Variants in METTL4 observed in about 807,000 individuals in gnomAD.
The protein encoded by METTL4 is methyltransferase 4, N6-adenosine.
In METTL4, 40 loss-of-function variants were observed where a neutral mutation model predicts 54.0. The ratio of observed to expected loss-of-function variants is 0.74; its 90% CI spans 0.58 to 0.96. The LOEUF (loss-of-function observed/expected upper bound fraction) is 0.96, where lower values mean the gene tolerates loss of function less well. Among genes scored for constraint, METTL4 ranks in the 50% least tolerant of loss-of-function variants. The pLI is 0.00. For missense variants in METTL4, 525 were observed against 549.0 expected, an observed-to-expected ratio of 0.96 and a Z score of 0.44; for synonymous variants, 169 against 183.8, an observed-to-expected ratio of 0.92 and a Z score of 0.65.
chr18:2,542,290 T>C (rs2072003225), intron 8 of METTL4, among the ~76,000 whole-genome samples: 1 of 151,932 alleles, frequency 6.6e-6, no homozygotes, highest in South Asian at 2.1e-4. Context: ...TGTGCCATGC[T>C]GGTGCGCTGC....
At position 2,567,453 on chromosome 18, in the gene METTL4, A is replaced by C. The variant is rs1448307892; in HGVS notation, c.-237T>G. The C allele has an allele frequency of 3.1e-6, 1 of 321,186 alleles. No homozygotes were observed. Among genetic ancestry groups the C allele is most frequent in the Non-Finnish European group, 5.6e-6 (1 of 179,868 alleles). 19.9% of individuals were successfully genotyped at this position (321,186 alleles called of 1,614,324 possible). A position where few individuals can be genotyped will look rare whatever the true frequency, so the allele number is the denominator to read the frequency against. ...ATGTTTTAATATAAACTTTCTTTTT[A>C]ATTTCAGAGTTGATAATTCAACATT... is the stretch of plus-strand genomic sequence containing the variant. On this transcript the variant is annotated 5_prime_UTR_variant, in exon 2 of 9. The change creates a new upstream start codon in the 5' untranslated region. Transcript: ENST00000574538.
chr18:2,553,439 G>A (rs1337584164), intron 4 of METTL4: 2 of 152,194 alleles, frequency 1.3e-5, no homozygotes, highest in Admixed American at 1.3e-4. Context: ...CCCTATCAGT[G>A]CAACATATCA....
intron 5 of METTL4, among the ~76,000 whole-genome samples, chr18:2,551,032 C>A (rs1485460143): frequency 6.6e-6 from 1 of 151,066 alleles, no homozygotes; most frequent in Non-Finnish European, 1.5e-5. Flanking sequence ...GGCGTGGTAG[C>A]GGGCGCCTGT....
chr18:2,560,747 C>G (rs565736472), intron 3 of METTL4, among the ~76,000 whole-genome samples: 1 of 151,840 alleles, frequency 6.6e-6, no homozygotes, highest in Non-Finnish European at 1.5e-5. Context: ...GGCGTAGTGG[C>G]GGGCGCCTGT....
chr18:2,549,423 G>C lies in METTL4; in HGVS notation c.900-1894C>G, dbSNP rs185084787. On this transcript the variant is annotated intron_variant, in intron 5 of 8. Coordinates refer to ENST00000574538, the MANE Select transcript of METTL4 (RefSeq NM_022840.5). ...AGGAGAGGAAAAGGTGTGGAGGGGA[G>C]GAGAGGAGAAAGAAGAGGACAGAGA... 2.7e-3 allele frequency among the ~76,000 whole-genome samples: 413 copies of C among 152,238 alleles called. 1 individual carries two copies. The highest frequency in any genetic ancestry group is 4.6e-3 in the Non-Finnish European group (312 of 68,014).
chr18:2,545,005 T>C (rs927864883), intron 6 of METTL4, among the ~76,000 whole-genome samples: 2 of 152,172 alleles, frequency 1.3e-5, no homozygotes, highest in Non-Finnish European at 2.9e-5. Context: ...CATTTCAATA[T>C]GTAATCAATT....
At chr18:2,552,978 T>G in intron 4 of METTL4, 1 of 481,884 alleles carries the variant, frequency 2.1e-6, no homozygotes, top group Admixed American at 3.9e-5. Flanking sequence ...TAATGTTACC[T>G]ATTGCAATTG....
chr18:2,551,231 G>A (rs747836900), intron 5 of METTL4, among the ~76,000 whole-genome samples: 1 of 145,582 alleles, frequency 6.9e-6, no homozygotes, highest in Non-Finnish European at 1.5e-5. Context: ...ATTACATTAT[G>A]TAAAACAATT....
intron 6 of METTL4, among the ~76,000 whole-genome samples, chr18:2,546,760 T>C (rs1393533570): frequency 6.6e-6 from 1 of 152,172 alleles, no homozygotes; most frequent in African/African-American, 2.4e-5. Flanking sequence ...TCTTGTAGCA[T>C]GCAGAGATAT....
intron 3 of METTL4, chr18:2,555,607 C>T (rs1334141789): frequency 6.6e-6 from 1 of 152,068 alleles, no homozygotes; most frequent in African/African-American, 2.4e-5. Context: ...TTTCACAAAA[C>T]ATAGCTTGAA....
In METTL4 at chr18:2,555,029, G is replaced by C. The variant is rs760527952; in HGVS notation, c.469C>G (p.Leu157Val). ...AACTGTAAAGATCCATCCAAAATCA[G>C]CTCCCTGATCTGTAAGAGAATTTTA... The part of the protein sequence containing the change: ...AMEYHTKIRE[L>V]ILDGSLQLIQ... Residue 157 changes from leucine (L) to valine (V), a missense_variant, in exon 4 of 9, where the codon CTG becomes GTG. Physicochemically the swap from Leu to Val is conservative, Grantham distance 32. Coordinates refer to ENST00000574538, the MANE Select transcript of METTL4 (RefSeq NM_022840.5). 1 of 1,613,082 alleles carries C rather than the reference G, an allele frequency of 6.2e-7. No homozygotes were observed. The highest frequency in any genetic ancestry group is 1.1e-5 in the South Asian group (1 of 90,898).
chr18:2,559,428 T>C (rs1158392326), intron 3 of METTL4, among the ~76,000 whole-genome samples: 1 of 148,942 alleles, frequency 6.7e-6, no homozygotes, highest in Non-Finnish European at 1.5e-5. Flanking sequence ...GAATACTAGT[T>C]ACCAGGCAGC....
At chr18:2,553,186 T>C (rs1229935368) in intron 4 of METTL4, 1 of 152,998 alleles carries the variant, frequency 6.5e-6, no homozygotes, top group African/African-American at 2.4e-5. Context: ...TATTTACTAA[T>C]GTACTTTTTC....
intron 5 of METTL4, 100 bp from the exon 6 acceptor site, chr18:2,547,629 C>CT: frequency 5.0e-6 from 4 of 800,798 alleles, no homozygotes; most frequent in Non-Finnish European, 7.4e-6. Context: ...AAATGCAAAG[C>CT]TCTTACTGCT....
At position 2,544,592 on chromosome 18, in the gene METTL4, T is replaced by A; in HGVS notation, c.1181+61A>T. 2.8e-6 allele frequency: 3 copies of A among 1,075,142 alleles called. No homozygotes were observed. In the South Asian group the frequency reaches 4.1e-5, roughly 15 times the overall value. 66.6% of individuals were successfully genotyped at this position (1,075,142 alleles called of 1,614,324 possible). ...ATTTTAAAAAGTCAATGATTACTAATCATTTTTAAAAGCGTAAAAATTAAT... is the reference window on the plus strand; with the variant it reads ...ATTTTAAAAAGTCAATGATTACTAAACATTTTTAAAAGCGTAAAAATTAAT... On this transcript the variant is annotated intron_variant, in intron 7 of 8. Coordinates refer to ENST00000574538, the MANE Select transcript of METTL4 (RefSeq NM_022840.5).
chr18:2,556,011 T>C (rs916011686), intron 3 of METTL4, among the ~76,000 whole-genome samples: 3 of 152,030 alleles, frequency 2.0e-5, no homozygotes, highest in Non-Finnish European at 4.4e-5. Flanking sequence ...GAGATGGAGC[T>C]TGGAGTCTAG....
intron 5 of METTL4, among the ~76,000 whole-genome samples, chr18:2,549,744 G>A (rs1029461376): frequency 1.3e-5 from 2 of 150,984 alleles, no homozygotes; most frequent in African/African-American, 4.9e-5. Context: ...CACTTTGGGA[G>A]GCCGAGGCAA....
rs1420449714 is a variant in METTL4, at chr18:2,539,846, C to T, written c.1274-701G>A. On this transcript the variant is annotated intron_variant, in intron 8 of 8. Transcript: ENST00000574538. ...GCTCTAAAAAAAATTGAAAAACAAC[C>T]CATTTAAAAAAAAAAAAGACAAAAG... 38 of 870,334 alleles carry T rather than the reference C, an allele frequency of 4.4e-5. 1 individual carries two copies. The highest frequency in any genetic ancestry group is 5.0e-5 in the Non-Finnish European group (37 of 747,158). 53.9% of individuals were successfully genotyped at this position (870,334 alleles called of 1,614,324 possible).
rs1188630876 is a variant in METTL4 at position 2,554,970 on chromosome 18, A to G, written c.528T>C (p.Tyr176=). 76 of 1,613,924 alleles carry G rather than the reference A, an allele frequency of 4.7e-5. No homozygotes were observed. Among genetic ancestry groups the G allele is most frequent in the Non-Finnish European group, 6.3e-5 (74 of 1,179,912 alleles). Reference sequence around the variant, plus strand: ...CCTTGTCCTGTTTTTCAAAAAGTGGATAAAGAAAACCACTTTTGAGACCTT... The same window carrying G: ...CCTTGTCCTGTTTTTCAAAAAGTGGGTAAAGAAAACCACTTTTGAGACCTT... ...IQEGLKSGFL[Y]PLFEKQDKGS... is the part of the protein sequence containing the mutation. Residue 176 remains tyrosine (Y), a synonymous_variant, in exon 4 of 9, where the codon TAT becomes TAC. Transcript: ENST00000574538.
Sources: gnomAD v4.1 joint callset for allele counts (sites outside exome capture counted in the v4.1 genomes callset) on GRCh38, gnomAD v4.1.1 for gene constraint, MANE v1.5 for transcripts, NCBI Gene and HGNC (gene_info 2026-07-23, HGNC 2026-07-21) for gene names.